Variants in BMAL2 observed in about 807,000 individuals in gnomAD.
The protein encoded by BMAL2 is basic helix-loop-helix ARNT like 2.
At chr12:27,404,438 A>G in the BMAL2 span, among the ~76,000 whole-genome samples, 1 of 152,256 alleles carries the variant, frequency 6.6e-6, no homozygotes, top group African/African-American at 2.4e-5. Context: ...TTATATGGTA[A>G]AAATTAAAAA....
the BMAL2 span, chr12:27,370,154 G>GT: frequency 1.2e-6 from 2 of 1,613,912 alleles, no homozygotes; most frequent in African/African-American, 2.7e-5. Flanking sequence ...AGAAAAAGTG[G>GT]TGGAAAAGCT....
the BMAL2 span, among the ~76,000 whole-genome samples, chr12:27,409,040 A>T: frequency 6.6e-6 from 1 of 152,212 alleles, no homozygotes; most frequent in Non-Finnish European, 1.5e-5. Context: ...CTTACAAGGG[A>T]TGTGAAGGAC....
At chr12:27,339,165 TGTGTTC>T in the BMAL2 span, among the ~76,000 whole-genome samples, 3 of 152,214 alleles carry the variant, frequency 2.0e-5, no homozygotes, top group Admixed American at 2.0e-4. Context: ...TGTATGTCCA[TGTGTTC>T]TCATCATTTA....
At chr12:27,370,346 TC>T in the BMAL2 span, 1 of 718,682 alleles carries the variant, frequency 1.4e-6, no homozygotes, top group Admixed American at 2.4e-5. Flanking sequence ...CCAGAGCTTC[TC>T]CTTCCTGCCC....
At chr12:27,343,222 A>G in the BMAL2 span, among the ~76,000 whole-genome samples, 4 of 152,218 alleles carry the variant, frequency 2.6e-5, no homozygotes, top group East Asian at 1.9e-4. Context: ...TTTAACATCT[A>G]TACTGTATTT....
At chr12:27,406,392 C>G in the BMAL2 span, among the ~76,000 whole-genome samples, 1 of 152,224 alleles carries the variant, frequency 6.6e-6, no homozygotes, top group African/African-American at 2.4e-5. Context: ...AACAGCTGAT[C>G]TCTCAGCAGA....
At chr12:27,412,484 G>A in the BMAL2 span, among the ~76,000 whole-genome samples, 1 of 152,032 alleles carries the variant, frequency 6.6e-6, no homozygotes, top group East Asian at 1.9e-4. Context: ...AGAGATGAGG[G>A]GAGAGGTAGT....
At chr12:27,424,827 A>G in the BMAL2 span, 2 of 152,258 alleles carry the variant, frequency 1.3e-5, no homozygotes, top group African/African-American at 4.8e-5. Flanking sequence ...CTGTTTTTGT[A>G]ATGCTTTCAT....
chr12:27,335,712 AAG>A, the BMAL2 span, among the ~76,000 whole-genome samples: 1 of 151,934 alleles, frequency 6.6e-6, no homozygotes, highest in South Asian at 2.1e-4. Flanking sequence ...TAGAGAAGGA[AAG>A]AGAGAAAGAG....
At chr12:27,382,413 A>C in the BMAL2 span, among the ~76,000 whole-genome samples, 1 of 152,180 alleles carries the variant, frequency 6.6e-6, no homozygotes, top group African/African-American at 2.4e-5. Flanking sequence ...AGGAAGACTG[A>C]CTTAGGAAGA....
the BMAL2 span, among the ~76,000 whole-genome samples, chr12:27,398,238 G>A: frequency 6.6e-6 from 1 of 152,150 alleles, no homozygotes; most frequent in Non-Finnish European, 1.5e-5. Flanking sequence ...ACATGTTGAG[G>A]AAAAATTTCA....
At chr12:27,400,904 G>A in the BMAL2 span, 2 of 906,382 alleles carry the variant, frequency 2.2e-6, no homozygotes, top group Non-Finnish European at 3.2e-6. Flanking sequence ...AAGTTTAAAT[G>A]AAATAAGAAT....
At chr12:27,384,123 A>G in the BMAL2 span, among the ~76,000 whole-genome samples, 1 of 151,244 alleles carries the variant, frequency 6.6e-6, no homozygotes, top group Non-Finnish European at 1.5e-5. Flanking sequence ...AAATTGACTT[A>G]CTTCTGAATC....
the BMAL2 span, chr12:27,418,252 A>C: frequency 8.6e-7 from 1 of 1,165,752 alleles, no homozygotes; most frequent in Non-Finnish European, 1.3e-6. Context: ...CCCCCTCTTA[A>C]TCACTATGTT....
the BMAL2 span, among the ~76,000 whole-genome samples, chr12:27,405,005 C>T: frequency 1.3e-5 from 2 of 152,154 alleles, no homozygotes; most frequent in African/African-American, 4.8e-5. Context: ...TCATTGCTAG[C>T]ACAGCAGTCT....
chr12:27,391,887 GCTGT>G, the BMAL2 span, among the ~76,000 whole-genome samples: 1 of 152,188 alleles, frequency 6.6e-6, no homozygotes, highest in African/African-American at 2.4e-5. Context: ...GTGGTGGAGA[GCTGT>G]CTAACGTCAC....
chr12:27,347,553 G>A, the BMAL2 span, among the ~76,000 whole-genome samples: 1 of 152,068 alleles, frequency 6.6e-6, no homozygotes, highest in Non-Finnish European at 1.5e-5. Context: ...GACATTGTAG[G>A]ACCACAGCTG....
chr12:27,351,272 G>A, the BMAL2 span, among the ~76,000 whole-genome samples: 1 of 152,126 alleles, frequency 6.6e-6, no homozygotes, highest in Admixed American at 6.5e-5. Context: ...TCGGGCTTGA[G>A]CCCCTGGCAC....
chr12:27,384,458 A>G, the BMAL2 span, among the ~76,000 whole-genome samples: 2 of 152,210 alleles, frequency 1.3e-5, no homozygotes, highest in East Asian at 3.8e-4. Context: ...GGAAAATCTC[A>G]TGAATCCGTA....
Sources: allele counts gnomAD v4.1 joint callset (sites outside exome capture counted in the v4.1 genomes callset), GRCh38; gene constraint gnomAD v4.1.1; transcripts MANE v1.5; gene names NCBI Gene and HGNC (gene_info 2026-07-23, HGNC 2026-07-21).